The following RASGRP3 variants were observed in gnomAD, a reference collection of about 807,000 sequenced individuals.
The protein encoded by RASGRP3 is ras guanyl-releasing protein 3.
A neutral mutation model predicts 82.7 loss-of-function variants in RASGRP3; 54 were observed. The observed-to-expected ratio is 0.65, with a 90% CI of 0.52 to 0.82. The LOEUF (loss-of-function observed/expected upper bound fraction) is 0.82. Among genes scored for constraint, RASGRP3 ranks in the 40% least tolerant of loss-of-function variants. RASGRP3 has a pLI of 0.00. For synonymous variants in RASGRP3, 309 were observed against 300.5 expected (o/e 1.03, Z -0.29); for missense variants, 861 against 828.9 (o/e 1.04, Z -0.48).
At chr2:33,474,924 C>A (rs1292648691), upstream of RASGRP3, among the ~76,000 whole-genome samples, 1 of 152,176 alleles carries the variant, frequency 6.6e-6, no homozygotes, top group Non-Finnish European at 1.5e-5. Context: ...GTCCCTGTTT[C>A]TTTATGTGGC....
intron 6 of RASGRP3, 31 bp downstream of exon 6, chr2:33,520,715 A>G (rs1397779508): frequency 6.2e-7 from 1 of 1,611,970 alleles, no homozygotes; most frequent in African/African-American, 1.3e-5. Flanking sequence ...TTTCACACCC[A>G]ATAAGTCCAC....
At chr2:33,502,706 C>T (rs1222114552) in intron 1 of RASGRP3, among the ~76,000 whole-genome samples, 4 of 151,884 alleles carry the variant, frequency 2.6e-5, no homozygotes, top group Non-Finnish European at 2.9e-5. Context: ...TTAGAGACAG[C>T]GTTTCACCAT....
At chr2:33,495,468 T>A (rs1309912743) in intron 1 of RASGRP3, among the ~76,000 whole-genome samples, 1 of 152,138 alleles carries the variant, frequency 6.6e-6, no homozygotes, top group Non-Finnish European at 1.5e-5. Flanking sequence ...TCACCCGCAT[T>A]CACCTCCTGC....
rs1670932577 is a variant in RASGRP3, at chr2:33,511,599, CA to C, written c.-260-108del. ...TGTGGGTGAAGTTTAGACAAAATCTCAAATACCACCTATAACTCAAAGTTTT... is the reference window on the plus strand; with the variant it reads ...TGTGGGTGAAGTTTAGACAAAATCTCAATACCACCTATAACTCAAAGTTTT... On this transcript the variant is annotated intron_variant, in intron 1 of 17. Coordinates refer to ENST00000403687, the MANE Select transcript of RASGRP3 (RefSeq NM_001139488.2). The C allele has an allele frequency of 3.3e-5, 5 of 152,718 alleles. No homozygotes were observed. In the South Asian group the frequency reaches 1.0e-3, roughly 32 times the overall value. The allele number at this position is 152,718 out of a possible 1,614,324, so 9.5% of individuals were successfully genotyped here.
At chr2:33,540,561 TGTGTGTG>T (rs1335160024) in intron 12 of RASGRP3, among the ~76,000 whole-genome samples, 1,784 of 117,810 alleles carry the variant, frequency 0.015, 118 homozygotes, top group African/African-American at 0.047. Context: ...GTGTTTTGTG[TGTGTGTG>T]TGTGTGTGTG....
chr2:33,549,710 A>C lies in RASGRP3; in HGVS notation c.1501A>C (p.Thr501Pro), dbSNP rs1675188963. 1 of 1,613,864 alleles carries C rather than the reference A, an allele frequency of 6.2e-7. No individual in the cohort carries two copies. The highest frequency in any genetic ancestry group is 8.5e-7 in the Non-Finnish European group (1 of 1,179,888). Reference sequence around the variant, plus strand: ...ATTTATCCATAATTTTCAGGAGATGACCTATCTCAAGCCAACCTTCTGCGA... The same window carrying C: ...ATTTATCCATAATTTTCAGGAGATGCCCTATCTCAAGCCAACCTTCTGCGA... ...PGFIHNFQEMTYLKPTFCEHC... is the reference protein window; with the variant it reads ...PGFIHNFQEMPYLKPTFCEHC... The change falls in exon 14 of 18, where the codon ACC becomes CCC. Residue 501 changes from threonine (T) to proline (P), a missense_variant. Thr to Pro is a conservative substitution (Grantham distance 38). Transcript: ENST00000403687.
At chr2:33,513,490 G>C (rs1308967883) in intron 2 of RASGRP3, among the ~76,000 whole-genome samples, 2 of 152,210 alleles carry the variant, frequency 1.3e-5, no homozygotes, top group African/African-American at 4.8e-5. Flanking sequence ...GCATAGGTCA[G>C]GTGCTCAATG....
At chr2:33,461,916 C>A (rs1197473521) in intron 2 of RASGRP3, among the ~76,000 whole-genome samples, 2 of 152,170 alleles carry the variant, frequency 1.3e-5, no homozygotes, top group East Asian at 1.9e-4. Flanking sequence ...GAGGTTATAA[C>A]CAAGAGGCTG....
chr2:33,490,795 G>A (rs766329518), intron 1 of RASGRP3, among the ~76,000 whole-genome samples: 25 of 150,896 alleles, frequency 1.7e-4, no homozygotes, highest in Non-Finnish European at 3.1e-4. Flanking sequence ...GCTCCAAATT[G>A]TATATGTAAC....
At chr2:33,525,094 C>CAAAAAAAAAAAAAAAAAAAAAA (rs1672405231) in intron 9 of RASGRP3, among the ~76,000 whole-genome samples, 1 of 133,574 alleles carries the variant, frequency 7.5e-6, no homozygotes, top group African/African-American at 2.9e-5. Context: ...AAAAAAAAAA[C>CAAAAAAAAAAAAAAAAAAAAAA]CAAAAAAAAA....
intron 13 of RASGRP3, among the ~76,000 whole-genome samples, chr2:33,544,126 C>G (rs547631271): frequency 7.9e-5 from 12 of 152,178 alleles, no homozygotes; most frequent in African/African-American, 2.9e-4. Context: ...CCAGCCTGGC[C>G]AACATGGTGA....
At chr2:33,516,864 C>G in intron 4 of RASGRP3, 1 of 400,834 alleles carries the variant, frequency 2.5e-6, no homozygotes, top group Non-Finnish European at 4.4e-6. Flanking sequence ...AAAATAATCA[C>G]TAAGATGTAA....
chr2:33,515,202 G>C lies in RASGRP3; in HGVS notation c.66G>C (p.Met22Ile), dbSNP rs1162089311. The C allele has an allele frequency of 6.2e-7, 1 of 1,613,938 alleles. No individual in the cohort carries two copies. Among genetic ancestry groups the C allele is most frequent in the Non-Finnish European group, 8.5e-7 (1 of 1,179,828 alleles). ...LDELLCTCIE[M>I]FDDNGELDNS... Reference sequence around the variant, plus strand: ...AACTGCTGTGCACTTGCATTGAGATGTTTGGTACGAGCCTTTTCTCCTTTC... The same window carrying C: ...AACTGCTGTGCACTTGCATTGAGATCTTTGGTACGAGCCTTTTCTCCTTTC... The change falls in exon 3 of 18, where the codon ATG becomes ATC. Residue 22 changes from methionine to isoleucine, a missense_variant. Met to Ile is a conservative substitution (Grantham distance 10, BLOSUM62 1). Coordinates refer to ENST00000403687, the MANE Select transcript of RASGRP3 (RefSeq NM_001139488.2).
intron 2 of RASGRP3, among the ~76,000 whole-genome samples, chr2:33,513,676 C>A (rs1257760765): frequency 6.6e-6 from 1 of 152,194 alleles, no homozygotes; most frequent in African/African-American, 2.4e-5. Flanking sequence ...GCATCAAGGA[C>A]CTGCTCTGTA....
At chr2:33,536,932 A>G (rs963683046) in intron 11 of RASGRP3, among the ~76,000 whole-genome samples, 7 of 152,258 alleles carry the variant, frequency 4.6e-5, no homozygotes, top group Admixed American at 3.3e-4. Context: ...ATGCTCTTTT[A>G]GCAGTTGCTG....
intron 4 of RASGRP3, among the ~76,000 whole-genome samples, chr2:33,518,672 T>C (rs1479080873): frequency 6.6e-6 from 1 of 152,236 alleles, no homozygotes; most frequent in African/African-American, 2.4e-5. Flanking sequence ...ATATTTTCTT[T>C]CTTAATATCT....
At chr2:33,509,307 T>C (rs1468810115) in intron 1 of RASGRP3, among the ~76,000 whole-genome samples, 2 of 151,728 alleles carry the variant, frequency 1.3e-5, no homozygotes, top group Non-Finnish European at 2.9e-5. Context: ...GAGGCTGAGG[T>C]GGGAGAATCA....
intron 1 of RASGRP3, among the ~76,000 whole-genome samples, chr2:33,492,058 T>A (rs1342184012): frequency 6.6e-6 from 1 of 152,236 alleles, no homozygotes; most frequent in Non-Finnish European, 1.5e-5. Flanking sequence ...AGGTTGCTCA[T>A]GGAATCTTGG....
chr2:33,500,466 G>A (rs1013844450), intron 1 of RASGRP3, among the ~76,000 whole-genome samples: 1 of 152,100 alleles, frequency 6.6e-6, no homozygotes, highest in Non-Finnish European at 1.5e-5. Flanking sequence ...GAGATGAAGG[G>A]CAGTGGGCGA....
Sources: allele counts gnomAD v4.1 joint callset (sites outside exome capture counted in the v4.1 genomes callset), GRCh38; gene constraint gnomAD v4.1.1; transcripts MANE v1.5; gene names NCBI Gene and HGNC (gene_info 2026-07-23, HGNC 2026-07-21).